Variants in METTL15 observed in about 807,000 individuals in gnomAD.
METTL15 encodes 12S rRNA N(4)-cytidine methyltransferase METTL15.
In METTL15, 34 loss-of-function variants were observed where a neutral mutation model predicts 38.3. The ratio of observed to expected loss-of-function variants is 0.89; its 90% confidence interval spans 0.68 to 1.18. The LOEUF (loss-of-function observed/expected upper bound fraction) is 1.18, where lower values mean the gene tolerates loss of function less well. METTL15 is among the 50% of genes most tolerant of loss of function. The pLI is 0.00. For synonymous variants in METTL15, 162 were observed against 170.9 expected, an observed-to-expected ratio of 0.95 and a Z score of 0.41; for missense variants, 438 against 498.4, an observed-to-expected ratio of 0.88 and a Z score of 1.15.
At chr11:28,218,086 T>C (rs187628085) in intron 4 of METTL15, among the ~76,000 whole-genome samples, 11 of 152,166 alleles carry the variant, frequency 7.2e-5, no homozygotes, top group Non-Finnish European at 1.6e-4. Context: ...TTTTTCCTAT[T>C]CCGAGAAGAA....
chr11:28,296,817 A>C lies in METTL15; in HGVS notation c.664A>C (p.Ile222Leu), dbSNP rs141286273. Reference sequence around the variant, plus strand: ...TTTAGATCAACAGGCACTTGCATCTATCCTAAGAACATACGGGGAGGAGAA... The same window carrying C: ...TTTAGATCAACAGGCACTTGCATCTCTCCTAAGAACATACGGGGAGGAGAA... ...NALDQQALASILRTYGEEKHA... is the reference protein window; with the variant it reads ...NALDQQALASLLRTYGEEKHA... Residue 222 changes from isoleucine to leucine, a missense_variant, in exon 6 of 7, where the codon ATC (isoleucine) becomes CTC (leucine). Transcript: ENST00000407364. 6.2e-7 allele frequency: 1 copy of C among 1,613,558 alleles called. No homozygotes were observed. The highest frequency in any genetic ancestry group is 1.7e-5 in the Admixed American group (1 of 59,898).
Position 28,189,290 on chromosome 11 carries a change from G to A in METTL15, c.271-21772G>A, listed in dbSNP as rs538970583. 2.6e-5 allele frequency among the ~76,000 whole-genome samples: 4 copies of A among 151,174 alleles called. No homozygotes were observed. In the East Asian group the frequency reaches 7.7e-4, roughly 29 times the overall value. ...ATTTGAACTACAAAATGAGATTTTT[G>A]TGTGTTGAATGTAATGACATTCTGT... On this transcript the variant is annotated intron_variant, in intron 3 of 6. Transcript: ENST00000407364.
intron 5 of METTL15, among the ~76,000 whole-genome samples, chr11:28,293,115 C>T (rs1724639201): frequency 1.3e-5 from 2 of 152,164 alleles, no homozygotes; most frequent in Non-Finnish European, 2.9e-5. Flanking sequence ...GTGTTTTAGA[C>T]ATGAAGTCCT....
intron 4 of METTL15, among the ~76,000 whole-genome samples, chr11:28,352,567 A>G (rs532188803): frequency 6.6e-6 from 1 of 152,342 alleles, no homozygotes; most frequent in African/African-American, 2.4e-5. Context: ...ACATTTTTCA[A>G]GCACAAAATG....
intron 6 of METTL15, among the ~76,000 whole-genome samples, chr11:28,310,500 C>T (rs1857238218): frequency 6.6e-6 from 1 of 152,112 alleles, no homozygotes; most frequent in Admixed American, 6.6e-5. Flanking sequence ...TCCTATACCT[C>T]CTTTTAATAA....
chr11:28,172,654 G>C (rs1850901460), intron 3 of METTL15, among the ~76,000 whole-genome samples: 2 of 152,106 alleles, frequency 1.3e-5, no homozygotes, highest in African/African-American at 4.8e-5. Flanking sequence ...TTGAGATAAA[G>C]AGACTGATGC....
chr11:28,279,150 C>T (rs2133970174), intron 4 of METTL15, among the ~76,000 whole-genome samples: 1 of 152,210 alleles, frequency 6.6e-6, no homozygotes, highest in Middle Eastern at 3.4e-3. Flanking sequence ...CATGTAATGT[C>T]TTTTTTGAAT....
At chr11:28,218,041 GCT>G (rs1852986523) in intron 4 of METTL15, among the ~76,000 whole-genome samples, 1 of 152,046 alleles carries the variant, frequency 6.6e-6, no homozygotes, top group African/African-American at 2.4e-5. Flanking sequence ...GGCGATGTGG[GCT>G]CTTTTTTGGT....
chr11:28,457,174 T>C (rs1400349842), intron 6 of METTL15, among the ~76,000 whole-genome samples: 2 of 152,226 alleles, frequency 1.3e-5, no homozygotes, highest in African/African-American at 4.8e-5. Context: ...CCTCTGGATG[T>C]TTTAAGCATA....
At chr11:28,527,535 C>T (rs1394221270), downstream of METTL15, among the ~76,000 whole-genome samples, 1 of 152,148 alleles carries the variant, frequency 6.6e-6, no homozygotes, top group African/African-American at 2.4e-5. Context: ...AGTCAGTATC[C>T]TTGTGGAGCA....
intron 6 of METTL15, among the ~76,000 whole-genome samples, chr11:28,507,389 G>C (rs1401289803): frequency 6.6e-6 from 1 of 152,074 alleles, no homozygotes; most frequent in Non-Finnish European, 1.5e-5. Context: ...GAACAGCAAA[G>C]GGAAAATCCA....
Position 28,310,999 on chromosome 11 carries a change from T to A in METTL15, c.778+14068T>A, listed in dbSNP as rs957852592. On this transcript the variant is annotated intron_variant, in intron 6 of 6. Coordinates refer to ENST00000407364, the MANE Select transcript of METTL15 (RefSeq NM_001113528.2). ...GTGTGTGTGTGTGTGTGTGTGTGTG[T>A]GTGTGAGAGAGAGAGAGAGAGAGAG... Among the ~76,000 whole-genome samples the A allele has an allele frequency of 2.8e-4, 40 of 144,688 alleles. 1 individual carries two copies. Among genetic ancestry groups the A allele is most frequent in the African/African-American group, 8.4e-4 (31 of 36,972 alleles). 94.9% of individuals were successfully genotyped at this position (144,688 alleles called of 152,430 possible). A position where few individuals can be genotyped will look rare whatever the true frequency, so the allele number is the denominator to read the frequency against.
chr11:28,196,533 A>G (rs1386968114), intron 3 of METTL15, among the ~76,000 whole-genome samples: 1 of 151,998 alleles, frequency 6.6e-6, no homozygotes, highest in Non-Finnish European at 1.5e-5. Flanking sequence ...CTGCTGATGT[A>G]TATACATTGA....
intron 5 of METTL15, among the ~76,000 whole-genome samples, chr11:28,295,661 C>T (rs1242033098): frequency 2.6e-5 from 4 of 151,642 alleles, no homozygotes; most frequent in African/African-American, 9.7e-5. Context: ...GACAAAGAGA[C>T]ATCAAGAGAG....
chr11:28,209,752 C>T (rs1429246514), intron 3 of METTL15, among the ~76,000 whole-genome samples: 2 of 151,972 alleles, frequency 1.3e-5, no homozygotes, highest in African/African-American at 4.8e-5. Context: ...AGCATAATTG[C>T]ATGCCCAATT....
At chr11:28,166,535 T>C (rs1365744354) in intron 3 of METTL15, among the ~76,000 whole-genome samples, 1 of 152,194 alleles carries the variant, frequency 6.6e-6, no homozygotes, top group Non-Finnish European at 1.5e-5. Context: ...TGAGCCATAA[T>C]GTGTAGTTTA....
rs1849801038 is a variant in METTL15 at position 28,330,982 on chromosome 11, A to G, written c.*141A>G. On this transcript the variant is annotated 3_prime_UTR_variant, in exon 7 of 7. Coordinates refer to ENST00000407364, the MANE Select transcript of METTL15 (RefSeq NM_001113528.2). ...AGCATTTAGCATTTCTTTTTTCTCA[A>G]AAAGAAACTGTAGGAAATACATGAC... The G allele has an allele frequency of 9.9e-6, 6 of 609,046 alleles. No homozygotes were observed. In the Admixed American group the frequency reaches 1.7e-4, roughly 17 times the overall value. The allele number at this position is 609,046 out of a possible 1,614,324, so 37.7% of individuals were successfully genotyped here.
At chr11:28,215,527 A>G (rs1250216258) in intron 4 of METTL15, among the ~76,000 whole-genome samples, 6 of 152,016 alleles carry the variant, frequency 3.9e-5, no homozygotes, top group Admixed American at 3.9e-4. Flanking sequence ...ACTTGGGGCT[A>G]TTGTTTTCTG....
intron 6 of METTL15, among the ~76,000 whole-genome samples, chr11:28,464,988 T>C (rs181430278): frequency 5.9e-4 from 90 of 152,324 alleles, no homozygotes; most frequent in African/African-American, 2.1e-3. Context: ...GAAGATCTGG[T>C]CACACTCACT....
Sources: gnomAD v4.1 joint callset for allele counts (sites outside exome capture counted in the v4.1 genomes callset) on GRCh38, gnomAD v4.1.1 for gene constraint, MANE v1.5 for transcripts, NCBI Gene and HGNC (gene_info 2026-07-23, HGNC 2026-07-21) for gene names.